DIPK2B: variants seen among roughly 807,000 people sequenced by gnomAD.
The protein encoded by DIPK2B is UPF0672 protein CXorf36.
A neutral mutation model predicts 22.2 loss-of-function variants in DIPK2B; 15 were observed. That is an observed-to-expected ratio of 0.68 (90% CI 0.45 to 1.04). DIPK2B has a LOEUF of 1.04. Among genes scored for constraint, DIPK2B ranks in the 50% least tolerant of loss-of-function variants. The pLI is 0.00. For missense variants in DIPK2B, 345 were observed against 348.3 expected (o/e 0.99, Z 0.08); for synonymous variants, 163 against 153.2 (o/e 1.06, Z -0.47).
rs760767286 is a variant in DIPK2B at position 45,199,902 on chromosome X, G to A, written c.233+692C>T. 3.6e-5 allele frequency among the ~76,000 whole-genome samples: 4 copies of A among 111,436 alleles called. No individual in the cohort carries two copies. The East Asian group carries it at 8.5e-4, about 24-fold the overall frequency. ...GATGCCATTCTTTGCTGAGAGCCAT[G>A]TGCATTGCAATTTACTAAGCTCCAG... On this transcript the variant is annotated intron_variant, in intron 1 of 4. Coordinates refer to ENST00000398000, the MANE Select transcript of DIPK2B (RefSeq NM_176819.4).
chrX:45,151,783 C>A lies in DIPK2B; in HGVS notation c.1171G>T (p.Asp391Tyr). 4 of 1,211,970 alleles carry A rather than the reference C, an allele frequency of 3.3e-6. No homozygotes were observed. Among genetic ancestry groups the A allele is most frequent in the Non-Finnish European group, 4.5e-6 (4 of 895,495 alleles). Reference sequence around the variant, plus strand: ...ACTTCTGGGTCTGGGCGGATGCTGTCCCCACACTGAACAAGGATGGAGTCT... The same window carrying A: ...ACTTCTGGGTCTGGGCGGATGCTGTACCCACACTGAACAAGGATGGAGTCT... The part of the protein sequence containing the change: ...DIDSILVQCG[D>Y]SIRPDPEVLG... Residue 391 changes from aspartate (D) to tyrosine (Y), a missense_variant, in exon 5 of 5, where the codon GAC (aspartate) becomes TAC (tyrosine). Physicochemically the swap from Asp to Tyr is radical, Grantham distance 160. Transcript: ENST00000398000.
chrX:45,192,694 G>A, intron 1 of DIPK2B, among the ~76,000 whole-genome samples: 1 of 112,092 alleles, frequency 8.9e-6, no homozygotes, highest in East Asian at 2.8e-4. Flanking sequence ...CATCAACTTG[G>A]AAGCTACCTG....
intron 2 of DIPK2B, among the ~76,000 whole-genome samples, chrX:45,181,433 C>T (rs769273327): frequency 1.9e-4 from 21 of 111,828 alleles, no homozygotes; most frequent in African/African-American, 4.9e-4. Context: ...ATCTGAGAGG[C>T]GTACACTACA....
chrX:45,193,550 C>G (rs1032209646), intron 1 of DIPK2B, among the ~76,000 whole-genome samples: 2 of 111,761 alleles, frequency 1.8e-5, no homozygotes, highest in African/African-American at 3.3e-5. Context: ...AGGGACCTGT[C>G]CAGGAAACTG....
chrX:45,167,146 G>A (rs1200057815), intron 2 of DIPK2B, among the ~76,000 whole-genome samples: 1 of 112,200 alleles, frequency 8.9e-6, no homozygotes, highest in African/African-American at 3.2e-5. Flanking sequence ...ATTTCTCCAA[G>A]CTGTATTGTA....
At chrX:45,176,106 CG>C (rs1254499209) in intron 2 of DIPK2B, among the ~76,000 whole-genome samples, 1 of 110,322 alleles carries the variant, frequency 9.1e-6, no homozygotes, top group African/African-American at 3.3e-5. Context: ...GATAATCTGA[CG>C]GCCCCCTGAG....
In DIPK2B at chrX:45,164,119, G is replaced by T. The variant is rs2047035531; in HGVS notation, c.499-6231C>A. 1.0e-5 allele frequency: 11 copies of T among 1,096,822 alleles called. No individual in the cohort carries two copies. In the South Asian group the frequency reaches 2.6e-4, roughly 26 times the overall value. The allele number at this position is 1,096,822 out of a possible 1,213,427, so 90.4% of individuals were successfully genotyped here. On this transcript the variant is annotated intron_variant, in intron 2 of 4. Transcript: ENST00000398000. The stretch of plus-strand genomic sequence containing the variant: ...ATGATTACTATTTGAAAATGTGGTT[G>T]GTATAACACAGTTGGGAGAAGGCTA...
At chrX:45,185,653 C>CTTTTTTTT in intron 2 of DIPK2B, among the ~76,000 whole-genome samples, 1 of 86,461 alleles carries the variant, frequency 1.2e-5, no homozygotes, top group Non-Finnish European at 2.2e-5. Context: ...CTTTTCTTTT[C>CTTTTTTTT]TTTTTTTTTT....
Position 45,151,565 on chromosome X carries a change from A to ACT in DIPK2B, c.*86_*87insAG, listed in dbSNP as rs2046961189. The ACT allele has an allele frequency of 1.1e-6, 1 of 880,802 alleles. No individual in the cohort carries two copies. Among genetic ancestry groups the ACT allele is most frequent in the African/African-American group, 2.0e-5 (1 of 49,447 alleles). 72.6% of individuals were successfully genotyped at this position (880,802 alleles called of 1,213,427 possible). A position where few individuals can be genotyped will look rare whatever the true frequency, so the allele number is the denominator to read the frequency against. On this transcript the variant is annotated 3_prime_UTR_variant, in exon 5 of 5. Transcript: ENST00000398000. ...GCCTTTCTTCTCATCTTTAAAAAAG[A>ACT]GCTGCTTCTTTCTACCTTGCAGCAA...
At chrX:45,180,113 C>G (rs888089818) in intron 2 of DIPK2B, among the ~76,000 whole-genome samples, 4 of 111,544 alleles carry the variant, frequency 3.6e-5, no homozygotes, top group African/African-American at 9.8e-5. Context: ...ACCTCATCAG[C>G]ATTTGTGTTA....
chrX:45,155,760 G>A (rs1268657157), intron 3 of DIPK2B, among the ~76,000 whole-genome samples: 1 of 109,657 alleles, frequency 9.1e-6, no homozygotes, highest in African/African-American at 3.3e-5. Context: ...AGGAATCCTG[G>A]CTAACCTTTT....
rs899732428 is a variant in DIPK2B at position 45,176,508 on chromosome X, G to T, written c.498+15243C>A. ...GAATTGGCAAGTGCCACAGGTAAAT[G>T]ACTACCTGCTGGATCTAAAAACATG... On this transcript the variant is annotated intron_variant, in intron 2 of 4. Coordinates refer to ENST00000398000, the MANE Select transcript of DIPK2B (RefSeq NM_176819.4). 5.4e-5 allele frequency among the ~76,000 whole-genome samples: 6 copies of T among 111,989 alleles called. No individual in the cohort carries two copies. In the East Asian group the frequency reaches 1.1e-3, roughly 21 times the overall value.
rs34203440 is a variant in DIPK2B, at chrX:45,155,431, A to ATATAT, written c.673-1234_673-1233insATATA. On this transcript the variant is annotated intron_variant, in intron 3 of 4. Transcript: ENST00000398000. ...GAGCGTGACTCTGTCTCAAAAAAAA[A>ATATAT]ATATATATATATATATATATTTATA... 2.9e-4 allele frequency among the ~76,000 whole-genome samples: 28 copies of ATATAT among 96,390 alleles called. 1 individual carries two copies. The highest frequency in any genetic ancestry group is 9.5e-4 in the Admixed American group (8 of 8,430). 83.7% of individuals were successfully genotyped at this position (96,390 alleles called of 115,157 possible).
chrX:45,194,952 C>T (rs748337860), intron 1 of DIPK2B, among the ~76,000 whole-genome samples: 33 of 111,977 alleles, frequency 2.9e-4, no homozygotes, highest in African/African-American at 9.4e-4. Flanking sequence ...TCCGCTGAGA[C>T]GACAGCACTG....
chrX:45,153,775 C>T (rs2046974526), intron 4 of DIPK2B, 135 bp downstream of exon 4: 7 of 491,550 alleles, frequency 1.4e-5, no homozygotes, highest in Admixed American at 4.1e-5. Context: ...TAATATTCTC[C>T]GAACTTGAGT....
chrX:45,167,843 C>T (rs902483585), intron 2 of DIPK2B, among the ~76,000 whole-genome samples: 3 of 111,945 alleles, frequency 2.7e-5, no homozygotes, highest in Non-Finnish European at 3.8e-5. Context: ...TGCCACCACG[C>T]CTGGCTAAGT....
At position 45,153,309 on chromosome X, in the gene DIPK2B, C is replaced by T. The variant is rs967176124; in HGVS notation, c.961+601G>A. 5.4e-5 allele frequency among the ~76,000 whole-genome samples: 6 copies of T among 111,991 alleles called. No individual in the cohort carries two copies. In the Admixed American group the frequency reaches 5.7e-4, roughly 11 times the overall value. ...GTGAGAAACACGATTCAGTCATCCA[C>T]CTCATTTGGTTCCATGCTTTTTTAC... On this transcript the variant is annotated intron_variant, in intron 4 of 4. Coordinates refer to ENST00000398000, the MANE Select transcript of DIPK2B (RefSeq NM_176819.4).
rs1042350561 is a variant in DIPK2B, at chrX:45,200,735, G to A, written c.92C>T (p.Ser31Phe). 11 of 1,210,928 alleles carry A rather than the reference G, an allele frequency of 9.1e-6. No homozygotes were observed. Among genetic ancestry groups the A allele is most frequent in the Non-Finnish European group, 1.1e-5 (10 of 895,288 alleles). Residue 31 changes from serine to phenylalanine, a missense_variant, in exon 1 of 5, where the codon TCC becomes TTC. Physicochemically the swap from Ser to Phe is radical, Grantham distance 155. Transcript: ENST00000398000. ...LWVSALSCSFSLPASSLSSLV... is the reference protein window; with the variant it reads ...LWVSALSCSFFLPASSLSSLV... ...AGAAGAAAGGGAAGAAGCTGGCAAGGAGAAAGAACAGCTCAGGGCTGAGAC... is the reference window on the plus strand; with the variant it reads ...AGAAGAAAGGGAAGAAGCTGGCAAGAAGAAAGAACAGCTCAGGGCTGAGAC...
At chrX:45,180,352 G>A (rs1202331407) in intron 2 of DIPK2B, among the ~76,000 whole-genome samples, 1 of 111,406 alleles carries the variant, frequency 9.0e-6, no homozygotes, top group Non-Finnish European at 1.9e-5. Context: ...GAGGACTAGG[G>A]GAATACTAGA....
Sources: gnomAD v4.1 joint callset for allele counts (sites outside exome capture counted in the v4.1 genomes callset) on GRCh38, gnomAD v4.1.1 for gene constraint, MANE v1.5 for transcripts, NCBI Gene and HGNC (gene_info 2026-07-23, HGNC 2026-07-21) for gene names.